Variants in STX7 observed in about 807,000 individuals in gnomAD.
STX7 encodes syntaxin-7.
In STX7, 34 loss-of-function variants were observed where a neutral mutation model predicts 39.6. The ratio of observed to expected loss-of-function variants is 0.86; its 90% CI spans 0.65 to 1.14. The LOEUF is 1.14. Among genes scored for constraint, STX7 ranks in the 50% most tolerant of loss-of-function variants. The probability of loss-of-function intolerance (pLI) is 0.00; values close to 1 mark genes in which losing one functional copy is unlikely to be tolerated. For missense variants in STX7, 284 were observed against 310.4 expected, an observed-to-expected ratio of 0.92 and a Z score of 0.64; for synonymous variants, 119 against 99.1, an observed-to-expected ratio of 1.20 and a Z score of -1.19.
chr6:132,450,125 T>C lies in STX7; in HGVS notation c.*10633A>G, dbSNP rs1774107884. ...CTACTTTAATTTTAGCCCACTCTCATTGGTAATAGCCTTTAGTGATTATCT... is the reference window on the plus strand; with the variant it reads ...CTACTTTAATTTTAGCCCACTCTCACTGGTAATAGCCTTTAGTGATTATCT... On this transcript the variant is annotated 3_prime_UTR_variant, in exon 10 of 10. Coordinates refer to ENST00000367941, the MANE Select transcript of STX7 (RefSeq NM_003569.3). 1 of 152,180 alleles carries C rather than the reference T, an allele frequency of 6.6e-6. No individual in the cohort carries two copies. Among genetic ancestry groups the C allele is most frequent in the Non-Finnish European group, 1.5e-5 (1 of 68,026 alleles). 9.4% of individuals were successfully genotyped at this position (152,180 alleles called of 1,614,324 possible). A position where few individuals can be genotyped will look rare whatever the true frequency, so the allele number is the denominator to read the frequency against.
At chr6:132,475,891 G>A (rs1358725308) in intron 2 of STX7, among the ~76,000 whole-genome samples, 1 of 152,068 alleles carries the variant, frequency 6.6e-6, no homozygotes, top group Non-Finnish European at 1.5e-5. Flanking sequence ...TTGTGAAAAT[G>A]CACTTATGAC....
At chr6:132,470,787 G>C (rs1774696747) in intron 5 of STX7, among the ~76,000 whole-genome samples, 161 bp from the exon 6 acceptor site, 1 of 151,776 alleles carries the variant, frequency 6.6e-6, no homozygotes, top group Admixed American at 6.6e-5. Flanking sequence ...AGAAGTTCTT[G>C]TTCTAATTTT....
Position 132,477,707 on chromosome 6 carries a change from A to G in STX7, c.86-2045T>C, listed in dbSNP as rs146480285. On this transcript the variant is annotated intron_variant, in intron 2 of 9. Transcript: ENST00000367941. ...ATTGACAAATTTGACTACATAAAAT[A>G]ACTTGGTTAAATGTTATACAAAAAA... Among the ~76,000 whole-genome samples the G allele has an allele frequency of 3.3e-5, 5 of 152,308 alleles. No homozygotes were observed. In the East Asian group the frequency reaches 7.7e-4, roughly 23 times the overall value.
intron 2 of STX7, among the ~76,000 whole-genome samples, chr6:132,483,509 A>G (rs1027005445): frequency 2.0e-5 from 3 of 152,226 alleles, no homozygotes; most frequent in African/African-American, 7.2e-5. Context: ...TTTGATTCTC[A>G]GAATATGCTA....
At position 132,456,021 on chromosome 6, in the gene STX7, C is replaced by G. The variant is rs888143937; in HGVS notation, c.*4737G>C. On this transcript the variant is annotated 3_prime_UTR_variant, in exon 10 of 10. Transcript: ENST00000367941. ...ATTCCAAATTCCCCTTGGATCTCAC[C>G]CTTCTGTCTAGTGCTTTGCCCTCTA... 6.6e-6 allele frequency: 1 copy of G among 152,164 alleles called. No individual in the cohort carries two copies. The highest frequency in any genetic ancestry group is 2.1e-4 in the South Asian group (1 of 4,814). The allele number at this position is 152,164 out of a possible 1,614,324, so 9.4% of individuals were successfully genotyped here.
chr6:132,474,227 C>CAA (rs67939950), intron 3 of STX7, among the ~76,000 whole-genome samples: 1,892 of 69,574 alleles, frequency 0.027, 181 homozygotes, highest in African/African-American at 0.093. Context: ...GATCCTGTCT[C>CAA]AAAAAAAAAA....
chr6:132,509,667 T>C (rs1291625417), intron 1 of STX7, among the ~76,000 whole-genome samples: 1 of 152,110 alleles, frequency 6.6e-6, no homozygotes, highest in African/African-American at 2.4e-5. Context: ...TTACTCCTTT[T>C]CTCTATTATT....
At chr6:132,471,714 G>C (rs756504963) in intron 4 of STX7, 114 bp from the exon 5 acceptor site, 7 of 1,198,364 alleles carry the variant, frequency 5.8e-6, no homozygotes, top group Non-Finnish European at 8.2e-6. Context: ...CCAATTACAG[G>C]GCCTTACAGA....
intron 2 of STX7, among the ~76,000 whole-genome samples, chr6:132,480,559 T>C (rs1774991074): frequency 6.6e-6 from 1 of 152,036 alleles, no homozygotes; most frequent in South Asian, 2.1e-4. Context: ...AGGGCCAAGG[T>C]AGTATGTTGA....
chr6:132,492,885 C>T (rs1432444085), intron 2 of STX7, among the ~76,000 whole-genome samples: 1 of 152,170 alleles, frequency 6.6e-6, no homozygotes, highest in East Asian at 1.9e-4. Context: ...TACCATACAA[C>T]TAAAATCACT....
At chr6:132,509,317 T>C (rs546305002) in intron 1 of STX7, among the ~76,000 whole-genome samples, 135 of 152,086 alleles carry the variant, frequency 8.9e-4, no homozygotes, top group Non-Finnish European at 1.8e-3. Context: ...CTGGGTGTGG[T>C]GGCATGCGCC....
chr6:132,461,261 T>C (rs2114346812), intron 9 of STX7, among the ~76,000 whole-genome samples: 1 of 152,280 alleles, frequency 6.6e-6, no homozygotes, highest in South Asian at 2.1e-4. Flanking sequence ...ATGAGTTCTC[T>C]GAAGATATCA....
At chr6:132,488,108 T>C (rs1182536887) in intron 2 of STX7, among the ~76,000 whole-genome samples, 1 of 152,234 alleles carries the variant, frequency 6.6e-6, no homozygotes, top group Non-Finnish European at 1.5e-5. Context: ...GTTCAGAATA[T>C]TTTCCAATTC....
In STX7 at chr6:132,460,542, G is replaced by A; in HGVS notation, c.*216C>T. On this transcript the variant is annotated 3_prime_UTR_variant, in exon 10 of 10. Coordinates refer to ENST00000367941, the MANE Select transcript of STX7 (RefSeq NM_003569.3). ...ACAACTATTAAATTGAAGACCAAGG[G>A]AGTTATGTCAGCAGTGACATTTAGA... 1.0e-5 allele frequency: 4 copies of A among 385,432 alleles called. No homozygotes were observed. Among genetic ancestry groups the A allele is most frequent in the Non-Finnish European group, 1.8e-5 (4 of 216,676 alleles). The allele number at this position is 385,432 out of a possible 1,614,324, so 23.9% of individuals were successfully genotyped here. A position where few individuals can be genotyped will look rare whatever the true frequency, so the allele number is the denominator to read the frequency against.
intron 2 of STX7, among the ~76,000 whole-genome samples, chr6:132,485,627 C>G (rs1775114585): frequency 6.6e-6 from 1 of 152,206 alleles, no homozygotes; most frequent in Non-Finnish European, 1.5e-5. Flanking sequence ...TACACTTCCA[C>G]CTGCAGTGTA....
intron 2 of STX7, among the ~76,000 whole-genome samples, chr6:132,489,342 G>C (rs1025952469): frequency 7.2e-5 from 11 of 152,046 alleles, no homozygotes; most frequent in African/African-American, 2.4e-4. Context: ...GTTCGTTATA[G>C]GGTACAATGT....
Position 132,454,207 on chromosome 6 carries a change from T to C in STX7, c.*6551A>G, listed in dbSNP as rs1255766576. The C allele has an allele frequency of 2.0e-5, 3 of 147,582 alleles. No individual in the cohort carries two copies. The highest frequency in any genetic ancestry group is 4.5e-5 in the Non-Finnish European group (3 of 67,212). The allele number at this position is 147,582 out of a possible 1,614,324, so 9.1% of individuals were successfully genotyped here. The stretch of plus-strand genomic sequence containing the variant: ...TTACATATTATTATGATTCCAGTTA[T>C]ACAGCTTTATTGAAATGAAAAAAAA... On this transcript the variant is annotated 3_prime_UTR_variant, in exon 10 of 10. Coordinates refer to ENST00000367941, the MANE Select transcript of STX7 (RefSeq NM_003569.3).
At chr6:132,478,596 G>A (rs1048763467) in intron 2 of STX7, among the ~76,000 whole-genome samples, 2 of 152,202 alleles carry the variant, frequency 1.3e-5, no homozygotes, top group African/African-American at 2.4e-5. Flanking sequence ...AGAGCAGGGA[G>A]TGGACATGCC....
chr6:132,505,739 TAAAA>T (rs368964430), intron 1 of STX7, among the ~76,000 whole-genome samples: 7 of 60,416 alleles, frequency 1.2e-4, no homozygotes, highest in East Asian at 1.3e-3. Flanking sequence ...CCAAGTCACT[TAAAA>T]AAAAAAAAAA....
Sources: gnomAD v4.1 joint callset for allele counts (sites outside exome capture counted in the v4.1 genomes callset) on GRCh38, gnomAD v4.1.1 for gene constraint, MANE v1.5 for transcripts, NCBI Gene and HGNC (gene_info 2026-07-23, HGNC 2026-07-21) for gene names.